Variants in DLC1 observed in about 807,000 individuals in gnomAD.
DLC1 encodes the protein rho GTPase-activating protein 7.
A neutral mutation model predicts 140.3 loss-of-function variants in DLC1; 54 were observed. The ratio of observed to expected loss-of-function variants is 0.38; its 90% CI spans 0.31 to 0.48. DLC1 has a LOEUF of 0.48. Ranked by LOEUF, DLC1 falls within the 20% of genes least tolerant of loss-of-function variation. The pLI, the probability that DLC1 is intolerant of heterozygous loss-of-function variation, is 0.96. For missense variants in DLC1, 2,536 were observed against 1,907.0 expected (o/e 1.33, Z -6.14); for synonymous variants, 986 against 728.1 (o/e 1.35, Z -5.70).
chr8:13,219,449 T>C (rs1161460368), intron 5 of DLC1, among the ~76,000 whole-genome samples: 2 of 58,068 alleles, frequency 3.4e-5, no homozygotes, highest in African/African-American at 1.6e-4. Flanking sequence ...TTATAAAATA[T>C]ATAAACAGGA....
chr8:13,236,523 C>T (rs759026757), intron 5 of DLC1, among the ~76,000 whole-genome samples: 1 of 152,006 alleles, frequency 6.6e-6, no homozygotes, highest in Non-Finnish European at 1.5e-5. Flanking sequence ...AAATTATGGA[C>T]AATAATTAGT....
intron 4 of DLC1, among the ~76,000 whole-genome samples, chr8:13,343,581 A>C (rs528210353): frequency 6.6e-6 from 1 of 152,162 alleles, no homozygotes; most frequent in Non-Finnish European, 1.5e-5. Context: ...TGTACAGCAG[A>C]TATTGTTGTT....
intron 2 of DLC1, among the ~76,000 whole-genome samples, chr8:13,488,260 A>G (rs1009211544): frequency 6.6e-6 from 1 of 152,220 alleles, no homozygotes; most frequent in African/African-American, 2.4e-5. Context: ...TCATTATTTC[A>G]TAGTTGAACC....
At chr8:13,317,185 T>C (rs1357162182) in intron 4 of DLC1, among the ~76,000 whole-genome samples, 1 of 152,208 alleles carries the variant, frequency 6.6e-6, no homozygotes, top group Non-Finnish European at 1.5e-5. Context: ...GCTGAAAAGA[T>C]TCAAATCAAG....
intron 5 of DLC1, among the ~76,000 whole-genome samples, chr8:13,274,260 G>A (rs1398758080): frequency 2.0e-5 from 3 of 152,168 alleles, no homozygotes; most frequent in Admixed American, 6.5e-5. Flanking sequence ...TTGACTAACT[G>A]AGCTTCCAGC....
intron 5 of DLC1, among the ~76,000 whole-genome samples, chr8:13,211,808 T>A (rs1390505932): frequency 6.6e-6 from 1 of 152,166 alleles, no homozygotes; most frequent in Non-Finnish European, 1.5e-5. Context: ...AGGCTGGAAT[T>A]GAAAAGAAAA....
chr8:13,131,473 A>C (rs1223831566), intron 5 of DLC1, among the ~76,000 whole-genome samples: 1 of 152,214 alleles, frequency 6.6e-6, no homozygotes, highest in African/African-American at 2.4e-5. Context: ...TCGCCGAAAC[A>C]ACCTCTGAAT....
chr8:13,568,890 G>A (rs1265320903), intron 1 of DLC1, among the ~76,000 whole-genome samples: 4 of 152,214 alleles, frequency 2.6e-5, no homozygotes, highest in East Asian at 1.9e-4. Context: ...GAGGAAAAAT[G>A]TAAGTAAATA....
chr8:13,188,847 T>A (rs1167210375), intron 5 of DLC1, among the ~76,000 whole-genome samples: 22 of 24,514 alleles, frequency 9.0e-4, no homozygotes, highest in South Asian at 6.0e-3. Flanking sequence ...ATATATATTT[T>A]TTTTTTTTTT....
chr8:13,245,003 A>G (rs1265642025), intron 5 of DLC1, among the ~76,000 whole-genome samples: 6 of 152,176 alleles, frequency 3.9e-5, no homozygotes, highest in African/African-American at 1.4e-4. Context: ...GTTGAGCTTT[A>G]TTTTTTTCCA....
At chr8:13,379,847 G>C (rs915996165) in intron 4 of DLC1, among the ~76,000 whole-genome samples, 2 of 152,116 alleles carry the variant, frequency 1.3e-5, no homozygotes, top group Non-Finnish European at 2.9e-5. Context: ...TCTTTGCAGG[G>C]ACATCGATGA....
At chr8:13,132,844 G>T in intron 5 of DLC1, 3 of 1,404,560 alleles carry the variant, frequency 2.1e-6, no homozygotes, top group Non-Finnish European at 3.0e-6. Context: ...CACAGAACAG[G>T]CACCGACTTG....
intron 4 of DLC1, among the ~76,000 whole-genome samples, chr8:13,359,830 C>G (rs1332585656): frequency 6.6e-6 from 1 of 152,110 alleles, no homozygotes; most frequent in Non-Finnish European, 1.5e-5. Flanking sequence ...GTGATTGTAA[C>G]TTTGAACAGG....
rs1277698322 is a variant in DLC1, at chr8:13,083,905, G to A, written c.*1906C>T. 5 of 152,614 alleles carry A rather than the reference G, an allele frequency of 3.3e-5. No individual in the cohort carries two copies. Among genetic ancestry groups the A allele is most frequent in the South Asian group, 2.1e-4 (1 of 4,824 alleles). 9.5% of individuals were successfully genotyped at this position (152,614 alleles called of 1,614,324 possible). On this transcript the variant is annotated 3_prime_UTR_variant, in exon 18 of 18. Coordinates refer to ENST00000276297, the MANE Select transcript of DLC1 (RefSeq NM_182643.3). ...GGAGTGAGATGCAATATTAAGGAAG[G>A]CAGCCCAGACTTTTCCCTTACTTTA...
chr8:13,556,222 T>G (rs1463291172), intron 1 of DLC1, among the ~76,000 whole-genome samples: 1 of 152,096 alleles, frequency 6.6e-6, no homozygotes, highest in East Asian at 1.9e-4. Flanking sequence ...ATTTCATAGA[T>G]CTGGGACAGA....
chr8:13,398,328 A>T (rs985948042), intron 3 of DLC1, among the ~76,000 whole-genome samples: 1 of 152,068 alleles, frequency 6.6e-6, no homozygotes, highest in African/African-American at 2.4e-5. Context: ...CTAACAGCAG[A>T]GTCAAACTAA....
At chr8:13,601,531 C>G (rs1251822941) in intron 1 of DLC1, among the ~76,000 whole-genome samples, 9 of 151,622 alleles carry the variant, frequency 5.9e-5, no homozygotes, top group Admixed American at 4.6e-4. Context: ...CATAACACTA[C>G]TATTCATTGG....
chr8:13,196,537 T>C (rs927867547), intron 5 of DLC1, among the ~76,000 whole-genome samples: 1 of 152,184 alleles, frequency 6.6e-6, no homozygotes, highest in Admixed American at 6.5e-5. Context: ...CCATGAATTA[T>C]GTTTATGCTT....
intron 1 of DLC1, among the ~76,000 whole-genome samples, chr8:13,591,658 CAAT>C (rs1435538214): frequency 6.6e-6 from 1 of 151,664 alleles, no homozygotes; most frequent in Non-Finnish European, 1.5e-5. Flanking sequence ...TCTAGGCAAA[CAAT>C]GATGTTGGCT....
Sources: allele counts gnomAD v4.1 joint callset (sites outside exome capture counted in the v4.1 genomes callset), GRCh38; gene constraint gnomAD v4.1.1; transcripts MANE v1.5; gene names NCBI Gene and HGNC (gene_info 2026-07-23, HGNC 2026-07-21).